The following ZNF215 variants were observed in gnomAD, a reference collection of about 807,000 sequenced individuals.
ZNF215 encodes the protein BWSCR2-associated zinc finger protein 2.
A neutral mutation model predicts 27.2 loss-of-function variants in ZNF215; 24 were observed. The observed-to-expected ratio is 0.88, with a 90% CI of 0.64 to 1.24. The LOEUF is 1.24. ZNF215 is among the 50% of genes most tolerant of loss of function. The pLI, the probability that ZNF215 is intolerant of heterozygous loss-of-function variation, is 0.00. For missense variants in ZNF215, 675 were observed against 605.7 expected, an observed-to-expected ratio of 1.11 and a Z score of -1.20; for synonymous variants, 210 against 204.0, an observed-to-expected ratio of 1.03 and a Z score of -0.25.
At chr11:6,955,421 C>T (rs550695129) in intron 6 of ZNF215, among the ~76,000 whole-genome samples, 1 of 152,174 alleles carries the variant, frequency 6.6e-6, no homozygotes, top group African/African-American at 2.4e-5. Context: ...ATATGCCACC[C>T]GCATCCTTGT....
At chr11:6,967,959 G>A (rs1327717821) in intron 5 of ZNF215, among the ~76,000 whole-genome samples, 2 of 152,136 alleles carry the variant, frequency 1.3e-5, no homozygotes, top group African/African-American at 2.4e-5. Flanking sequence ...GTTAATTTTT[G>A]TATAAGGTGT....
intron 5 of ZNF215, among the ~76,000 whole-genome samples, chr11:6,968,880 A>T (rs928502921): frequency 6.6e-6 from 1 of 152,072 alleles, no homozygotes; most frequent in Non-Finnish European, 1.5e-5. Context: ...AAAAAAATTT[A>T]AATTACTTAT....
At chr11:6,940,049 C>T (rs1849581484) in intron 3 of ZNF215, among the ~76,000 whole-genome samples, 1 of 151,018 alleles carries the variant, frequency 6.6e-6, no homozygotes, top group Admixed American at 6.6e-5. Context: ...ATTGAAAGAC[C>T]CTGTCTCTAA....
At chr11:6,971,009 G>C (rs184950145) in intron 5 of ZNF215, among the ~76,000 whole-genome samples, 72 of 152,100 alleles carry the variant, frequency 4.7e-4, no homozygotes, top group African/African-American at 1.6e-3. Flanking sequence ...AGGTGTTGCA[G>C]ATGACAGAGT....
chr11:6,944,442 C>T (rs147513854), intron 6 of ZNF215, among the ~76,000 whole-genome samples: 1,518 of 146,120 alleles, frequency 0.01, 28 homozygotes, highest in African/African-American at 0.033. Context: ...TTTCTGGGAA[C>T]GGAGTTCTCA....
At chr11:6,985,257 T>C (rs187098617), downstream of ZNF215, among the ~76,000 whole-genome samples, 2 of 152,272 alleles carry the variant, frequency 1.3e-5, no homozygotes, top group East Asian at 3.8e-4. Context: ...TGCAAGTCAA[T>C]AAATGTGATT....
At position 6,956,233 on chromosome 11, in the gene ZNF215, G is replaced by T. The variant is rs139686178; in HGVS notation, c.1256G>T (p.Arg419Leu). The T allele has an allele frequency of 6.2e-6, 10 of 1,613,312 alleles. No individual in the cohort carries two copies. Among genetic ancestry groups the T allele is most frequent in the Non-Finnish European group, 7.6e-6 (9 of 1,179,786 alleles). The change falls in exon 7 of 7, where the codon CGT becomes CTT. Residue 419 changes from arginine to leucine, a missense_variant. Physicochemically the swap from Arg to Leu is moderately radical, Grantham distance 102 (BLOSUM62 -2). Coordinates refer to ENST00000278319, the MANE Select transcript of ZNF215 (RefSeq NM_013250.4). ...GAATGTGGGAGATTCTTCAACCGAC[G>T]TACAAACCTTACTAAGCATCAAAAA... Reference protein sequence around the residue: ...CSECGRFFNRRTNLTKHQKLH... With the variant: ...CSECGRFFNRLTNLTKHQKLH...
intron 3 of ZNF215, among the ~76,000 whole-genome samples, chr11:6,940,227 C>T (rs1476737053): frequency 7.0e-6 from 1 of 142,848 alleles, no homozygotes; most frequent in African/African-American, 2.6e-5. Flanking sequence ...GCAAGACCCT[C>T]TTTAAAAAAA....
chr11:6,991,097 A>C (rs913435571), downstream of ZNF215, among the ~76,000 whole-genome samples: 2 of 152,230 alleles, frequency 1.3e-5, no homozygotes, highest in African/African-American at 4.8e-5. Flanking sequence ...TCATGTGAGA[A>C]AAGTGTTTTC....
intron 5 of ZNF215, among the ~76,000 whole-genome samples, chr11:6,976,842 C>A (rs1850843961): frequency 6.6e-6 from 1 of 152,154 alleles, no homozygotes; most frequent in Middle Eastern, 3.4e-3. Context: ...TAGCAAATTA[C>A]CACAAACTTA....
intron 6 of ZNF215, among the ~76,000 whole-genome samples, chr11:6,946,236 A>G (rs940240733): frequency 2.6e-5 from 4 of 152,124 alleles, no homozygotes; most frequent in South Asian, 4.1e-4. Flanking sequence ...CGCAACTCCA[A>G]TCTTGGAACC....
chr11:6,987,147 G>A (rs11608198), downstream of ZNF215, among the ~76,000 whole-genome samples: 1,433 of 152,112 alleles, frequency 9.4e-3, 13 homozygotes, highest in Non-Finnish European at 0.017. Context: ...GGTGGATTGC[G>A]TAAAGAAAAT....
rs1049581005 is a variant in ZNF215, at chr11:6,965,037, A to G, written c.805+9255A>G. On this transcript the variant is annotated intron_variant, in intron 5 of 5. Coordinates refer to the ZNF215 transcript ENST00000529903. ...GCTGTACAAGTAGAACTCCTACATCATCTTTTATACATGGGTCTTTACATG... is the reference window on the plus strand; with the variant it reads ...GCTGTACAAGTAGAACTCCTACATCGTCTTTTATACATGGGTCTTTACATG... Among the ~76,000 whole-genome samples the G allele has an allele frequency of 4.6e-5, 7 of 152,252 alleles. No individual in the cohort carries two copies. In the East Asian group the frequency reaches 1.2e-3, roughly 25 times the overall value.
intron 6 of ZNF215, among the ~76,000 whole-genome samples, chr11:6,952,951 A>AT (rs1850140765): frequency 6.6e-6 from 1 of 151,948 alleles, no homozygotes; most frequent in African/African-American, 2.4e-5. Flanking sequence ...ATCTCTCAGC[A>AT]TTTGCTTGTC....
At chr11:6,966,857 A>T (rs544955406) in intron 5 of ZNF215, among the ~76,000 whole-genome samples, 1 of 151,922 alleles carries the variant, frequency 6.6e-6, no homozygotes, top group East Asian at 1.9e-4. Flanking sequence ...CATGTGCAGA[A>T]CAGGCAGGTT....
chr11:6,972,875 CATAAA>C (rs1458368404), intron 5 of ZNF215, among the ~76,000 whole-genome samples: 4 of 150,920 alleles, frequency 2.7e-5, no homozygotes, highest in Admixed American at 6.7e-5. Context: ...TTTCCAATGT[CATAAA>C]ATAGCCCTTA....
chr11:6,980,122 T>C (rs1850917342), intron 5 of ZNF215, among the ~76,000 whole-genome samples: 3 of 152,118 alleles, frequency 2.0e-5, no homozygotes, highest in Admixed American at 2.0e-4. Context: ...TTGTCAACAA[T>C]CAATCAGTTA....
exon 6 of ZNF215, chr11:6,984,145 G>A: frequency 2.6e-6 from 1 of 382,862 alleles, no homozygotes; most frequent in South Asian, 1.9e-5. Flanking sequence ...TTTCCCTCTT[G>A]TTGCCCAGGC....
At chr11:6,950,231 A>G (rs1012803049) in intron 6 of ZNF215, among the ~76,000 whole-genome samples, 4 of 144,698 alleles carry the variant, frequency 2.8e-5, no homozygotes, top group African/African-American at 1.0e-4. Context: ...TTTTGGTTCC[A>G]TATGAACTTT....
Sources: gnomAD v4.1 joint callset for allele counts (sites outside exome capture counted in the v4.1 genomes callset) on GRCh38, gnomAD v4.1.1 for gene constraint, MANE v1.5 for transcripts, NCBI Gene and HGNC (gene_info 2026-07-23, HGNC 2026-07-21) for gene names.